Variants in DYM observed in about 807,000 individuals in gnomAD.
DYM encodes the protein dyggve-Melchior-Clausen syndrome protein.
Under a neutral mutation model 93.1 loss-of-function variants are expected in DYM, and 78 were observed. The observed-to-expected ratio is 0.84, with a 90% confidence interval of 0.70 to 1.01. The LOEUF (loss-of-function observed/expected upper bound fraction) is 1.01, where lower values mean the gene tolerates loss of function less well. Among genes scored for constraint, DYM ranks in the 50% least tolerant of loss-of-function variants. The pLI is 0.00. For missense variants in DYM, 789 were observed against 845.0 expected (o/e 0.93, Z 0.82); for synonymous variants, 321 against 319.7 (o/e 1.00, Z -0.04).
At chr18:49,193,550 C>T (rs1600507704) in intron 14 of DYM, among the ~76,000 whole-genome samples, 1 of 152,136 alleles carries the variant, frequency 6.6e-6, no homozygotes, top group Non-Finnish European at 1.5e-5. Flanking sequence ...TCTGTGAACA[C>T]GGTTTTAAAA....
intron 5 of DYM, among the ~76,000 whole-genome samples, chr18:49,369,030 CAG>C (rs2066761500): frequency 1.3e-5 from 2 of 152,252 alleles, no homozygotes; most frequent in Non-Finnish European, 2.9e-5. Flanking sequence ...TGTGCACAGG[CAG>C]AGCCTGCCAA....
chr18:49,326,191 G>C (rs1479673686), intron 8 of DYM, among the ~76,000 whole-genome samples: 2 of 152,228 alleles, frequency 1.3e-5, no homozygotes, highest in East Asian at 3.9e-4. Context: ...CTATGATTCA[G>C]TAAAAAGTTC....
chr18:49,060,090 T>C (rs1164312130), intron 17 of DYM, among the ~76,000 whole-genome samples: 1 of 151,966 alleles, frequency 6.6e-6, no homozygotes, highest in African/African-American at 2.4e-5. Context: ...TAAATGCAAA[T>C]GAAAAAAAAT....
chr18:49,084,496 C>G (rs529802732), intron 17 of DYM, among the ~76,000 whole-genome samples: 2 of 152,224 alleles, frequency 1.3e-5, no homozygotes, highest in Non-Finnish European at 2.9e-5. Flanking sequence ...CTGTTTAAAC[C>G]TATATTCTTG....
chr18:49,197,209 T>C (rs7236230), intron 14 of DYM, among the ~76,000 whole-genome samples: 7,036 of 152,176 alleles, frequency 0.046, 532 homozygotes, highest in African/African-American at 0.16. Flanking sequence ...GGACTATCAA[T>C]TTGGAACATA....
At chr18:49,130,830 T>C (rs1190685125) in intron 15 of DYM, among the ~76,000 whole-genome samples, 4 of 152,106 alleles carry the variant, frequency 2.6e-5, no homozygotes, top group Admixed American at 2.0e-4. Context: ...CAAGGCGCTA[T>C]GGGAGCACTT....
intron 17 of DYM, 107 bp from the exon 18 acceptor site, chr18:49,044,311 T>A: frequency 8.4e-7 from 1 of 1,197,024 alleles, no homozygotes; most frequent in Non-Finnish European, 1.2e-6. Context: ...CACCCACCCC[T>A]GCCAACTGGT....
chr18:49,202,690 G>C (rs1371210256), intron 14 of DYM, among the ~76,000 whole-genome samples: 3 of 96,350 alleles, frequency 3.1e-5, no homozygotes, highest in Non-Finnish European at 4.3e-5. Flanking sequence ...CCGAGACCCC[G>C]TCTGGGAGGT....
chr18:49,240,128 T>C (rs1042469041), intron 13 of DYM, among the ~76,000 whole-genome samples: 2 of 152,196 alleles, frequency 1.3e-5, no homozygotes, highest in Non-Finnish European at 2.9e-5. Context: ...TAAATATTGA[T>C]TATACTGATG....
At position 49,209,693 on chromosome 18, in the gene DYM, T is replaced by A; in HGVS notation, c.1483A>T (p.Arg495Ter). The change falls in exon 14 of 18, where the codon AGA (arginine) becomes TGA (stop). Residue 495 changes from arginine to a stop codon, truncating the protein, a stop_gained. Coordinates refer to ENST00000675505, the MANE Select transcript of DYM (RefSeq NM_001353214.3). LOFTEE classifies it high-confidence loss of function. Reference protein sequence around the residue: ...IISYTCRHLRRYVYVLDKLYF... With the variant: ...IISYTCRHLR The stretch of plus-strand genomic sequence containing the variant: ...AGTTTGTCCAACACATAAACATATC[T>A]CCGCAAGTGGCGGCAGGTATAACTG... 1 of 1,282,874 alleles carries A rather than the reference T, an allele frequency of 7.8e-7. No individual in the cohort carries two copies. Among genetic ancestry groups the A allele is most frequent in the South Asian group, 1.3e-5 (1 of 79,884 alleles). 79.5% of individuals were successfully genotyped at this position (1,282,874 alleles called of 1,614,324 possible).
chr18:49,448,237 A>G (rs908583885), intron 1 of DYM, among the ~76,000 whole-genome samples: 13 of 152,126 alleles, frequency 8.5e-5, no homozygotes, highest in Admixed American at 7.2e-4. Context: ...TGGCCATTCA[A>G]TCCCTAAGTT....
intron 14 of DYM, among the ~76,000 whole-genome samples, chr18:49,168,712 A>AT (rs778760802): frequency 6.6e-6 from 1 of 151,656 alleles, no homozygotes. Context: ...GAAAAAAAAA[A>AT]TTTTTACAAT....
At chr18:49,214,326 C>G (rs75288633) in intron 13 of DYM, among the ~76,000 whole-genome samples, 1 of 152,128 alleles carries the variant, frequency 6.6e-6, no homozygotes, top group South Asian at 2.1e-4. Context: ...CATAGGAAGA[C>G]GAACCCTATT....
At chr18:49,247,732 T>C (rs1174856610) in intron 13 of DYM, among the ~76,000 whole-genome samples, 1 of 152,232 alleles carries the variant, frequency 6.6e-6, no homozygotes, top group Non-Finnish European at 1.5e-5. Flanking sequence ...TTTTCTTGTG[T>C]CCCATCAAGT....
At chr18:49,383,692 G>C (rs1457615882) in intron 3 of DYM, among the ~76,000 whole-genome samples, 1 of 152,166 alleles carries the variant, frequency 6.6e-6, no homozygotes, top group Non-Finnish European at 1.5e-5. Flanking sequence ...GTATAAACCA[G>C]ATATATTTAT....
intron 13 of DYM, among the ~76,000 whole-genome samples, chr18:49,242,641 G>A (rs901387435): frequency 2.0e-5 from 3 of 152,118 alleles, no homozygotes; most frequent in Non-Finnish European, 2.9e-5. Flanking sequence ...GTCTTCTGTA[G>A]GTCACTGAAA....
At chr18:49,174,222 T>TATG (rs1372254831) in intron 14 of DYM, among the ~76,000 whole-genome samples, 1 of 30,714 alleles carries the variant, frequency 3.3e-5, no homozygotes, top group African/African-American at 1.2e-4. Context: ...TATCTTTTTC[T>TATG]ATGATGATGA....
chr18:49,413,289 T>G (rs2072499173), intron 2 of DYM, among the ~76,000 whole-genome samples: 1 of 152,156 alleles, frequency 6.6e-6, no homozygotes, highest in African/African-American at 2.4e-5. Flanking sequence ...TAGGCCTCAG[T>G]TCTCTCACAC....
At chr18:49,204,047 ACCTAAATCAGGTCCATGTAAG>A (rs1333536745) in intron 14 of DYM, among the ~76,000 whole-genome samples, 5 of 151,988 alleles carry the variant, frequency 3.3e-5, no homozygotes, top group East Asian at 1.9e-4. Context: ...CTAAAACTCT[ACCTAAATCAGGTCCATGTAAG>A]CCTAAATCAG....
Sources: gnomAD v4.1 joint callset for allele counts (sites outside exome capture counted in the v4.1 genomes callset) on GRCh38, gnomAD v4.1.1 for gene constraint, MANE v1.5 for transcripts, NCBI Gene and HGNC (gene_info 2026-07-23, HGNC 2026-07-21) for gene names.